Variants in ANXA4 observed in about 807,000 individuals in gnomAD.
The protein encoded by ANXA4 is 35-beta calcimedin.
ANXA4 carries 39 observed loss-of-function variants against 49.8 expected under a neutral mutation model. That is an observed-to-expected ratio of 0.78 (90% CI 0.61 to 1.02). The LOEUF is 1.02. Ranked by LOEUF, ANXA4 falls within the 50% of genes least tolerant of loss-of-function variation. The pLI, the probability that ANXA4 is intolerant of heterozygous loss-of-function variation, is 0.00. For synonymous variants in ANXA4, 134 were observed against 152.5 expected, an observed-to-expected ratio of 0.88 and a Z score of 0.89; for missense variants, 360 against 410.1, an observed-to-expected ratio of 0.88 and a Z score of 1.05.
In ANXA4 at chr2:69,691,183, G is replaced by A. The variant is rs146691130; in HGVS notation, n.767-29591G>A. On this transcript the variant is annotated intron_variant and non_coding_transcript_variant, in intron 2 of 3. Coordinates refer to the ANXA4 transcript ENST00000418066. ...TTGTCATCCAGGCTGGAGTGCAGTG[G>A]TGCTATCTCGGCTCACTGCAACCTC... Among the ~76,000 whole-genome samples the A allele has an allele frequency of 6.0e-3, 913 of 151,618 alleles. 20 individuals carry two copies. Among genetic ancestry groups the A allele is most frequent in the Admixed American group, 9.7e-3 (147 of 15,224 alleles).
At chr2:69,752,956 T>G (rs539634707) in intron 1 of ANXA4, among the ~76,000 whole-genome samples, 1 of 152,382 alleles carries the variant, frequency 6.6e-6, no homozygotes, top group South Asian at 2.1e-4. Context: ...TTTTACTGTT[T>G]ACTCTGCTTG....
chr2:69,744,621 C>T (rs909236605), intron 1 of ANXA4, among the ~76,000 whole-genome samples: 1 of 152,168 alleles, frequency 6.6e-6, no homozygotes, highest in Admixed American at 6.5e-5. Flanking sequence ...GAGTAACACT[C>T]ATCCTAGGCT....
chr2:69,680,116 G>A (rs993579536), intron 2 of ANXA4, among the ~76,000 whole-genome samples: 9 of 152,126 alleles, frequency 5.9e-5, no homozygotes, highest in African/African-American at 9.7e-5. Context: ...TTTTAAGAGC[G>A]TTAATTCTTC....
rs143149630 is a variant in ANXA4, at chr2:69,694,042, A to G, written n.767-26732A>G. On this transcript the variant is annotated intron_variant and non_coding_transcript_variant, in intron 2 of 3. Transcript: ENST00000418066. The stretch of plus-strand genomic sequence containing the variant: ...ATAAAAAGTTGGTCTCCCTATTCCA[A>G]CGTATCTGATTATCATGGAAACACT... 3.5e-3 allele frequency among the ~76,000 whole-genome samples: 529 copies of G among 152,136 alleles called. 3 individuals carry two copies. Among genetic ancestry groups the G allele is most frequent in the African/African-American group, 8.8e-3 (364 of 41,500 alleles).
chr2:69,699,799 G>A (rs1487549514), intron 2 of ANXA4, among the ~76,000 whole-genome samples: 1 of 152,206 alleles, frequency 6.6e-6, no homozygotes, highest in African/African-American at 2.4e-5. Context: ...GCAGCTTTGA[G>A]GCTTTCAAGG....
At chr2:69,767,054 G>A (rs142075442) in intron 1 of ANXA4, among the ~76,000 whole-genome samples, 1 of 152,262 alleles carries the variant, frequency 6.6e-6, no homozygotes, top group African/African-American at 2.4e-5. Context: ...TCAACCTTGA[G>A]TGATCAAAAG....
intron 12 of ANXA4, 129 bp downstream of exon 12, chr2:69,820,950 T>C: frequency 2.9e-6 from 3 of 1,038,744 alleles, no homozygotes; most frequent in Middle Eastern, 6.1e-4. Flanking sequence ...GCTCCCGATA[T>C]TTCCAGTCTC....
chr2:69,823,539 C>T (rs992917375), intron 12 of ANXA4, among the ~76,000 whole-genome samples: 4 of 151,826 alleles, frequency 2.6e-5, no homozygotes, highest in Middle Eastern at 3.4e-3. Flanking sequence ...AGAAAGAAAG[C>T]GGACATACAA....
chr2:69,688,227 G>A (rs1271157775), intron 2 of ANXA4, among the ~76,000 whole-genome samples: 1 of 152,088 alleles, frequency 6.6e-6, no homozygotes, highest in African/African-American at 2.4e-5. Flanking sequence ...TTGCATTATG[G>A]CATATTTAAC....
chr2:69,740,599 C>A (rs1294353650), upstream of ANXA4, among the ~76,000 whole-genome samples: 1 of 150,992 alleles, frequency 6.6e-6, no homozygotes, highest in Non-Finnish European at 1.5e-5. Flanking sequence ...GGACTACAGG[C>A]GTGGCTATGC....
At chr2:69,814,308 G>A (rs4853028) in intron 8 of ANXA4, among the ~76,000 whole-genome samples, 52,725 of 148,582 alleles carry the variant, frequency 0.35, 13,065 homozygotes, top group African/African-American at 0.7. Flanking sequence ...TAGCCTCAGA[G>A]ATCAGTGTCA....
At chr2:69,769,342 A>G (rs1573223604) in intron 1 of ANXA4, among the ~76,000 whole-genome samples, 1 of 151,886 alleles carries the variant, frequency 6.6e-6, no homozygotes, top group African/African-American at 2.4e-5. Flanking sequence ...ACAAGATAGA[A>G]CTCACCACAA....
chr2:69,711,244 C>T (rs1273802826), intron 2 of ANXA4, among the ~76,000 whole-genome samples: 5 of 152,176 alleles, frequency 3.3e-5, no homozygotes, highest in African/African-American at 9.7e-5. Context: ...GCGGGAGAAC[C>T]GCTTGAACCC....
At chr2:69,770,277 AAG>A (rs1431470660) in intron 1 of ANXA4, among the ~76,000 whole-genome samples, 4 of 152,256 alleles carry the variant, frequency 2.6e-5, no homozygotes, top group Admixed American at 1.3e-4. Flanking sequence ...GAAGGAAAAA[AAG>A]AGAGTTACTC....
chr2:69,708,999 T>G (rs2105403105), intron 2 of ANXA4, among the ~76,000 whole-genome samples: 1 of 152,276 alleles, frequency 6.6e-6, no homozygotes, highest in South Asian at 2.1e-4. Context: ...AGCAAACATA[T>G]ATAGTGTGTC....
At chr2:69,772,114 T>C (rs1416411208) in intron 1 of ANXA4, among the ~76,000 whole-genome samples, 2 of 152,248 alleles carry the variant, frequency 1.3e-5, no homozygotes, top group African/African-American at 4.8e-5. Context: ...TCTTTCCATC[T>C]GGAACAGTCC....
intron 3 of ANXA4, among the ~76,000 whole-genome samples, chr2:69,736,613 T>C (rs1417997530): frequency 6.6e-6 from 1 of 152,218 alleles, no homozygotes; most frequent in Non-Finnish European, 1.5e-5. Flanking sequence ...AAAAGTTTCT[T>C]GGTTTATGTC....
chr2:69,673,129 G>A (rs982468604), intron 2 of ANXA4, among the ~76,000 whole-genome samples: 1 of 152,064 alleles, frequency 6.6e-6, no homozygotes. Context: ...GATCCAGAAC[G>A]AAAAATACCA....
At chr2:69,702,373 TAGAGAAA>T (rs1009528565) in intron 2 of ANXA4, among the ~76,000 whole-genome samples, 1 of 152,118 alleles carries the variant, frequency 6.6e-6, no homozygotes, top group Non-Finnish European at 1.5e-5. Context: ...ATTTAAAAAG[TAGAGAAA>T]AGAGTACTCT....
Sources: gnomAD v4.1 joint callset for allele counts (sites outside exome capture counted in the v4.1 genomes callset) on GRCh38, gnomAD v4.1.1 for gene constraint, MANE v1.5 for transcripts, NCBI Gene and HGNC (gene_info 2026-07-23, HGNC 2026-07-21) for gene names.